SPINT1: variants seen among roughly 807,000 people sequenced by gnomAD.
SPINT1 encodes serine peptidase inhibitor, Kunitz type 1, also known as kunitz-type protease inhibitor 1.
In SPINT1, 38 loss-of-function variants were observed where a neutral mutation model predicts 53.7. The observed-to-expected ratio is 0.71, with a 90% CI of 0.55 to 0.93. The LOEUF (loss-of-function observed/expected upper bound fraction) is 0.93. Among genes scored for constraint, SPINT1 ranks in the 40% least tolerant of loss-of-function variants. SPINT1 has a pLI of 0.00. For missense variants in SPINT1, 645 were observed against 692.9 expected (o/e 0.93, Z 0.78); for synonymous variants, 283 against 280.6 (o/e 1.01, Z -0.08).
chr15:40,854,528 G>A lies in SPINT1; in HGVS notation c.1066+6G>A, dbSNP rs1048083394. 4.5e-5 allele frequency: 73 copies of A among 1,613,644 alleles called. No individual in the cohort carries two copies. Among genetic ancestry groups the A allele is most frequent in the Non-Finnish European group, 5.8e-5 (69 of 1,179,890 alleles). Reference sequence around the variant, plus strand: ...CGAGGCTGCCTGTGAAAAATGTGAGGCCTGGGGGATAGAGGGGGTTGGGCA... The same window carrying A: ...CGAGGCTGCCTGTGAAAAATGTGAGACCTGGGGGATAGAGGGGGTTGGGCA... On this transcript the variant is annotated splice_donor_region_variant and intron_variant, in intron 7 of 10. Coordinates refer to ENST00000562057, the MANE Select transcript of SPINT1 (RefSeq NM_003710.4).
chr15:40,845,152 TTTC>T (rs1432273821), intron 2 of SPINT1, 123 bp downstream of exon 2: 3 of 832,882 alleles, frequency 3.6e-6, no homozygotes, highest in Non-Finnish European at 5.3e-6. Context: ...TTTCTTTTTC[TTTC>T]TTTTTTTTTG....
chr15:40,856,392 T>A, intron 10 of SPINT1, 69 bp downstream of exon 10: 1 of 1,588,414 alleles, frequency 6.3e-7, no homozygotes, highest in Admixed American at 1.7e-5. Flanking sequence ...ACTCCACCTG[T>A]TGTGACAGCC....
chr15:40,848,094 T>C (rs1308364190), intron 2 of SPINT1, among the ~76,000 whole-genome samples: 1 of 152,196 alleles, frequency 6.6e-6, no homozygotes, highest in Non-Finnish European at 1.5e-5. Flanking sequence ...TTTGTAGGCC[T>C]CTGAAACATT....
At chr15:40,847,588 C>T (rs776690626) in intron 2 of SPINT1, among the ~76,000 whole-genome samples, 9 of 152,142 alleles carry the variant, frequency 5.9e-5, no homozygotes, top group Non-Finnish European at 7.4e-5. Context: ...GCTTAGGAGG[C>T]GGAGTCTGCA....
chr15:40,855,459 T>C (rs1891604940), intron 8 of SPINT1, among the ~76,000 whole-genome samples: 1 of 145,354 alleles, frequency 6.9e-6, no homozygotes, highest in South Asian at 2.2e-4. Flanking sequence ...TCCTCTTTTT[T>C]AAGAAAGGTA....
chr15:40,844,501 C>G lies in SPINT1; in HGVS notation c.-54C>G. On this transcript the variant is annotated 5_prime_UTR_variant, in exon 2 of 11. Coordinates refer to ENST00000562057, the MANE Select transcript of SPINT1 (RefSeq NM_003710.4). The surrounding 1 kb of genome is among the most constrained non-coding windows in gnomAD (Gnocchi z 5.8). ...TCCCTTCTTCTCAGGTCACCAGCAC[C>G]CTCGGAACCCAGAGGCCCGCGCTCT... is the stretch of plus-strand genomic sequence containing the variant. The G allele has an allele frequency of 6.4e-7, 1 of 1,558,364 alleles. No individual in the cohort carries two copies. The highest frequency in any genetic ancestry group is 8.8e-7 in the Non-Finnish European group (1 of 1,132,630).
chr15:40,845,220 T>C (rs1891254232), intron 2 of SPINT1, among the ~76,000 whole-genome samples, 191 bp downstream of exon 2: 1 of 151,474 alleles, frequency 6.6e-6, no homozygotes, highest in African/African-American at 2.4e-5. Context: ...CAATCTCTGG[T>C]TGCTCACTGC....
In SPINT1 at chr15:40,854,535, G is replaced by C; in HGVS notation, c.1066+13G>C. The C allele has an allele frequency of 6.2e-7, 1 of 1,613,740 alleles. No individual in the cohort carries two copies. Among genetic ancestry groups the C allele is most frequent in the Non-Finnish European group, 8.5e-7 (1 of 1,179,832 alleles). On this transcript the variant is annotated intron_variant, in intron 7 of 10. Coordinates refer to ENST00000562057, the MANE Select transcript of SPINT1 (RefSeq NM_003710.4). ...GCCTGTGAAAAATGTGAGGCCTGGGGGATAGAGGGGGTTGGGCAGCAGACA... is the reference window on the plus strand; with the variant it reads ...GCCTGTGAAAAATGTGAGGCCTGGGCGATAGAGGGGGTTGGGCAGCAGACA...
At chr15:40,853,463 A>G in intron 3 of SPINT1, 26 bp from the exon 4 acceptor site, 1 of 1,614,022 alleles carries the variant, frequency 6.2e-7, no homozygotes, top group Non-Finnish European at 8.5e-7. Context: ...GGGGTGCCCA[A>G]GCCTGATAGC....
chr15:40,855,321 C>T (rs1464770059), intron 8 of SPINT1, among the ~76,000 whole-genome samples: 2 of 152,198 alleles, frequency 1.3e-5, no homozygotes, highest in African/African-American at 4.8e-5. Flanking sequence ...GTAGAGACTG[C>T]AGTCAGTTGA....
intron 2 of SPINT1, among the ~76,000 whole-genome samples, chr15:40,846,178 T>C (rs1891289343): frequency 6.6e-6 from 1 of 152,278 alleles, no homozygotes; most frequent in East Asian, 1.9e-4. Context: ...TTTACTTCCA[T>C]AGATAAAGGC....
At chr15:40,848,358 A>C (rs542530903) in intron 2 of SPINT1, among the ~76,000 whole-genome samples, 10 of 152,314 alleles carry the variant, frequency 6.6e-5, no homozygotes, top group Middle Eastern at 3.4e-3. Context: ...TAGTTGGGCA[A>C]TATCTATCAA....
intron 2 of SPINT1, among the ~76,000 whole-genome samples, chr15:40,851,791 C>T (rs1020238175): frequency 6.6e-6 from 1 of 152,172 alleles, no homozygotes; most frequent in African/African-American, 2.4e-5. Context: ...GAGGTTGAAG[C>T]AGAAGGATCA....
intron 2 of SPINT1, among the ~76,000 whole-genome samples, chr15:40,850,311 A>G (rs1891419958): frequency 6.6e-6 from 1 of 152,130 alleles, no homozygotes; most frequent in Non-Finnish European, 1.5e-5. Context: ...ACCTCAGGTG[A>G]TCCACCCGCC....
intron 2 of SPINT1, among the ~76,000 whole-genome samples, chr15:40,851,346 G>A (rs1274672828): frequency 6.6e-6 from 1 of 151,956 alleles, no homozygotes; most frequent in Non-Finnish European, 1.5e-5. Context: ...TAGAGAGGGG[G>A]TTTCACTGTG....
At chr15:40,849,107 G>A (rs1336003215) in intron 2 of SPINT1, among the ~76,000 whole-genome samples, 4 of 151,968 alleles carry the variant, frequency 2.6e-5, no homozygotes, top group Middle Eastern at 3.2e-3. Flanking sequence ...TTAGCCGGGT[G>A]TGGTGGTGGG....
chr15:40,844,926 G>C lies in SPINT1; in HGVS notation c.372G>C (p.Glu124Asp). ...GCTTCCTCATCAACTGCCTCTACGAGCAGAACTTCGTGTGCAAGTTCGCGC... is the reference window on the plus strand; with the variant it reads ...GCTTCCTCATCAACTGCCTCTACGACCAGAACTTCGTGTGCAAGTTCGCGC... Reference protein sequence around the residue: ...AACFLINCLYEQNFVCKFAPR... With the variant: ...AACFLINCLYDQNFVCKFAPR... The change falls in exon 2 of 11, where the codon GAG (glutamate) becomes GAC (aspartate). Residue 124 changes from glutamate (E) to aspartate (D), a missense_variant. Transcript: ENST00000562057. The surrounding 1 kb of genome is among the most constrained non-coding windows in gnomAD (Gnocchi z 5.8). 2.5e-6 allele frequency: 4 copies of C among 1,614,004 alleles called. No homozygotes were observed. The highest frequency in any genetic ancestry group is 3.4e-6 in the Non-Finnish European group (4 of 1,180,038).
Position 40,856,989 on chromosome 15 carries a change from C to A in SPINT1, c.*14C>A, listed in dbSNP as rs1356829725. The stretch of plus-strand genomic sequence containing the variant: ...CGGCCCCTCTGAGCCTGGGTCTCAC[C>A]GGCTCTCACCTGGCCCTGCTTCCTG... On this transcript the variant is annotated 3_prime_UTR_variant, in exon 11 of 11. Transcript: ENST00000562057. The A allele has an allele frequency of 1.9e-6, 3 of 1,612,174 alleles. No homozygotes were observed. In the African/African-American group the frequency reaches 4.0e-5, roughly 22 times the overall value.
rs1891275753 is a variant in SPINT1 at position 40,845,726 on chromosome 15, G to A, written c.475+697G>A. Among the ~76,000 whole-genome samples, 3 of 152,172 alleles carry A rather than the reference G, an allele frequency of 2.0e-5. No homozygotes were observed. In the South Asian group the frequency reaches 6.2e-4, roughly 31 times the overall value. The stretch of plus-strand genomic sequence containing the variant: ...AAGTCCCCAGGACTCCTGACCTCTG[G>A]CACTGATAGGCTGATTGAAGGAGTG... On this transcript the variant is annotated intron_variant, in intron 2 of 10. Transcript: ENST00000562057.
Sources: gnomAD v4.1 joint callset for allele counts (sites outside exome capture counted in the v4.1 genomes callset) on GRCh38, gnomAD v4.1.1 for gene constraint, Gnocchi (gnomAD v3.1) non-coding constraint, MANE v1.5 for transcripts, NCBI Gene and HGNC (gene_info 2026-07-23, HGNC 2026-07-21) for gene names.